Variants in LRRC3B observed in about 807,000 individuals in gnomAD.
LRRC3B encodes the protein leucine rich repeat containing 3B.
Under a neutral mutation model 12.8 loss-of-function variants are expected in LRRC3B, and 2 were observed. The observed-to-expected ratio is 0.16, with a 90% CI of 0.06 to 0.49. The LOEUF (loss-of-function observed/expected upper bound fraction) is 0.49. Ranked by LOEUF, LRRC3B falls within the 20% of genes least tolerant of loss-of-function variation. The probability of loss-of-function intolerance (pLI) is 0.96; values close to 1 mark genes in which losing one functional copy is unlikely to be tolerated. For missense variants in LRRC3B, 189 were observed against 319.4 expected, an observed-to-expected ratio of 0.59 and a Z score of 3.11; for synonymous variants, 132 against 122.0, an observed-to-expected ratio of 1.08 and a Z score of -0.54.
intron 1 of LRRC3B, among the ~76,000 whole-genome samples, chr3:26,704,727 C>A (rs925495338): frequency 1.3e-5 from 2 of 151,982 alleles, no homozygotes; most frequent in Non-Finnish European, 2.9e-5. Context: ...ATTAGTTTAT[C>A]ATTCTTTTGT....
intron 1 of LRRC3B, among the ~76,000 whole-genome samples, chr3:26,682,069 G>A (rs1262411203): frequency 6.6e-6 from 1 of 151,988 alleles, no homozygotes; most frequent in Non-Finnish European, 1.5e-5. Context: ...TTATATGAAT[G>A]TGGTCTCTCC....
chr3:26,709,441 T>A (rs1310845129), intron 1 of LRRC3B, 72 bp from the exon 2 acceptor site: 2 of 556,162 alleles, frequency 3.6e-6, no homozygotes, highest in East Asian at 5.9e-5. Context: ...GCCAGACACC[T>A]GAGAACACCT....
At chr3:26,706,074 G>A (rs966389573) in intron 1 of LRRC3B, among the ~76,000 whole-genome samples, 1 of 152,154 alleles carries the variant, frequency 6.6e-6, no homozygotes, top group African/African-American at 2.4e-5. Flanking sequence ...AGAAGATTTG[G>A]TTTCTGGTGA....
At chr3:26,704,242 G>T (rs537489043) in intron 1 of LRRC3B, among the ~76,000 whole-genome samples, 70 of 152,016 alleles carry the variant, frequency 4.6e-4, no homozygotes, top group Non-Finnish European at 7.1e-4. Flanking sequence ...GCTCTTTAGG[G>T]TAATCTTTGG....
chr3:26,700,113 T>G (rs989429241), intron 1 of LRRC3B, among the ~76,000 whole-genome samples: 1 of 152,172 alleles, frequency 6.6e-6, no homozygotes, highest in Non-Finnish European at 1.5e-5. Context: ...GGATTTATCT[T>G]GTGAAATAGA....
intron 1 of LRRC3B, among the ~76,000 whole-genome samples, chr3:26,673,098 T>C (rs879565625): frequency 6.6e-6 from 1 of 152,212 alleles, no homozygotes; most frequent in African/African-American, 2.4e-5. Flanking sequence ...GAAGTTACTC[T>C]TAAATAAAAC....
At chr3:26,698,502 C>T (rs1028221928) in intron 1 of LRRC3B, among the ~76,000 whole-genome samples, 1 of 152,086 alleles carries the variant, frequency 6.6e-6, no homozygotes, top group African/African-American at 2.4e-5. Context: ...CTTACTCTAT[C>T]TAGGATTCCT....
chr3:26,644,036 G>A (rs186229332), intron 1 of LRRC3B, among the ~76,000 whole-genome samples: 1 of 152,150 alleles, frequency 6.6e-6, no homozygotes, highest in Non-Finnish European at 1.5e-5. Context: ...AGATGTGTAC[G>A]AATTATTTTT....
chr3:26,639,617 G>C (rs1053043401), intron 1 of LRRC3B, among the ~76,000 whole-genome samples: 3 of 151,750 alleles, frequency 2.0e-5, no homozygotes, highest in Non-Finnish European at 4.4e-5. Flanking sequence ...GTGCTCAATA[G>C]CCACATGTGG....
In LRRC3B at chr3:26,664,483, T is replaced by A. The variant is rs1326937094; in HGVS notation, c.-161+41246T>A. 2.0e-5 allele frequency among the ~76,000 whole-genome samples: 3 copies of A among 152,138 alleles called. No homozygotes were observed. In the East Asian group the frequency reaches 5.8e-4, roughly 29 times the overall value. ...GAGTCTAGGATTATTGCTAATGTGA[T>A]GCCAGATCACCAGACTGTAAACAAT... On this transcript the variant is annotated intron_variant, in intron 1 of 1. Coordinates refer to ENST00000396641, the Ensembl canonical transcript of LRRC3B.
In LRRC3B at chr3:26,644,179, TG is replaced by T. The variant is rs574190183; in HGVS notation, c.-161+20943del. 2.3e-3 allele frequency among the ~76,000 whole-genome samples: 350 copies of T among 152,360 alleles called. 3 individuals carry two copies. Among genetic ancestry groups the T allele is most frequent in the African/African-American group, 8.1e-3 (337 of 41,584 alleles). On this transcript the variant is annotated intron_variant, in intron 1 of 1. Coordinates refer to ENST00000396641, the Ensembl canonical transcript of LRRC3B. ...CTTCAAGAAGAAGATTACATAAGTA[TG>T]AACACAGGTAGAGCTTAGATATAGC...
At chr3:26,696,022 T>C (rs1206851454) in intron 1 of LRRC3B, among the ~76,000 whole-genome samples, 1 of 152,226 alleles carries the variant, frequency 6.6e-6, no homozygotes, top group Non-Finnish European at 1.5e-5. Flanking sequence ...CGTTCAATGA[T>C]GTAGACCAGG....
intron 1 of LRRC3B, among the ~76,000 whole-genome samples, chr3:26,662,746 C>A (rs1156285643): frequency 6.6e-6 from 1 of 152,072 alleles, no homozygotes; most frequent in Non-Finnish European, 1.5e-5. Flanking sequence ...TTCTTCTTGT[C>A]ACCTTGCCAC....
chr3:26,710,360 G>A, exon 2 of LRRC3B: 1 of 1,614,026 alleles, frequency 6.2e-7, no homozygotes, highest in Non-Finnish European at 8.5e-7. Flanking sequence ...GCAAAATCAG[G>A]AGGATGCCCG....
intron 1 of LRRC3B, among the ~76,000 whole-genome samples, chr3:26,696,855 A>G (rs182594172): frequency 6.6e-5 from 10 of 152,346 alleles, no homozygotes; most frequent in Admixed American, 6.5e-4. Flanking sequence ...GTGAAATCTT[A>G]AAGACATTGT....
chr3:26,673,723 A>G (rs1340820953), intron 1 of LRRC3B, among the ~76,000 whole-genome samples: 1 of 151,982 alleles, frequency 6.6e-6, no homozygotes, highest in Non-Finnish European at 1.5e-5. Context: ...TCCCCCTCAT[A>G]TTATCTCCAT....
At chr3:26,674,846 G>C (rs763121488) in intron 1 of LRRC3B, among the ~76,000 whole-genome samples, 4 of 152,040 alleles carry the variant, frequency 2.6e-5, no homozygotes, top group Non-Finnish European at 5.9e-5. Context: ...GAGGTTGCCC[G>C]GCCTAATACC....
intron 1 of LRRC3B, among the ~76,000 whole-genome samples, chr3:26,687,275 A>C (rs1422531170): frequency 6.6e-6 from 1 of 152,220 alleles, no homozygotes; most frequent in Non-Finnish European, 1.5e-5. Context: ...ATTTTGATAC[A>C]GCCTTTGCTT....
At chr3:26,653,192 A>T (rs2125416282) in intron 1 of LRRC3B, among the ~76,000 whole-genome samples, 2 of 152,306 alleles carry the variant, frequency 1.3e-5, no homozygotes, top group South Asian at 4.1e-4. Flanking sequence ...AAAAATTCAA[A>T]AGACTTAAGT....
Sources: allele counts gnomAD v4.1 joint callset (sites outside exome capture counted in the v4.1 genomes callset), GRCh38; gene constraint gnomAD v4.1.1; transcripts MANE v1.5; gene names NCBI Gene and HGNC (gene_info 2026-07-23, HGNC 2026-07-21).